CRACD: variants seen among roughly 807,000 people sequenced by gnomAD.
CRACD encodes the protein capping protein-inhibiting regulator of actin dynamics.
CRACD carries 56 observed loss-of-function variants against 106.8 expected under a neutral mutation model. The observed-to-expected ratio is 0.52, with a 90% CI of 0.42 to 0.66. The LOEUF (loss-of-function observed/expected upper bound fraction) is 0.66. Among genes scored for constraint, CRACD ranks in the 30% least tolerant of loss-of-function variants. The pLI is 0.00. For missense variants in CRACD, 1,730 were observed against 1,623.2 expected (o/e 1.07, Z -1.13); for synonymous variants, 754 against 670.8 (o/e 1.12, Z -1.92).
At chr4:56,205,478 C>T (rs551572343) in intron 2 of CRACD, among the ~76,000 whole-genome samples, 21 of 151,362 alleles carry the variant, frequency 1.4e-4, no homozygotes, top group East Asian at 1.9e-4. Context: ...AAGCGTGCCC[C>T]GATAAACTGT....
intron 1 of CRACD, among the ~76,000 whole-genome samples, chr4:56,133,727 G>A (rs1734901646): frequency 1.3e-5 from 2 of 152,204 alleles, no homozygotes; most frequent in Admixed American, 1.3e-4. Context: ...ACAAGGATAT[G>A]ATTTAGTTCT....
At position 56,314,586 on chromosome 4, in the gene CRACD, G is replaced by A. The variant is rs1220710104; in HGVS notation, c.1084G>A (p.Glu362Lys). ...GRCAEELKRQ[E>K]EEEAEGWEEL... ...ATGCGCGGAGGAGCTCAAAAGGCAG[G>A]AGGAGGAGGAGGCTGAGGGATGGGA... Residue 362 changes from glutamate (E) to lysine (K), a missense_variant, in exon 8 of 11, where the codon GAG becomes AAG. Coordinates refer to ENST00000682029, the MANE Select transcript of CRACD (RefSeq NM_001393381.1). The surrounding 1 kb of genome is among the most constrained non-coding windows in gnomAD (Gnocchi z 4.4). The A allele has an allele frequency of 4.0e-6, 6 of 1,513,938 alleles. No individual in the cohort carries two copies. Among genetic ancestry groups the A allele is most frequent in the Non-Finnish European group, 1.8e-6 (2 of 1,131,784 alleles). The allele number at this position is 1,513,938 out of a possible 1,614,324, so 93.8% of individuals were successfully genotyped here.
chr4:56,252,513 A>G (rs867338634), intron 2 of CRACD, among the ~76,000 whole-genome samples: 3 of 152,210 alleles, frequency 2.0e-5, no homozygotes, highest in African/African-American at 4.8e-5. Flanking sequence ...GCTCAAGGCT[A>G]TAGTATTGAC....
chr4:56,104,966 C>CAA (rs34655977), intron 1 of CRACD, among the ~76,000 whole-genome samples: 29 of 68,828 alleles, frequency 4.2e-4, no homozygotes, highest in African/African-American at 1.1e-3. Flanking sequence ...GACTCCGTCT[C>CAA]AAAAAAAAAA....
At chr4:56,228,550 G>A (rs571625944) in intron 2 of CRACD, among the ~76,000 whole-genome samples, 3 of 149,608 alleles carry the variant, frequency 2.0e-5, no homozygotes, top group East Asian at 2.0e-4. Flanking sequence ...TGGGAGGATC[G>A]CTGGAGCCCA....
chr4:56,156,201 A>G (rs1577698768), intron 1 of CRACD, among the ~76,000 whole-genome samples: 1 of 152,166 alleles, frequency 6.6e-6, no homozygotes, highest in South Asian at 2.1e-4. Context: ...ACTTCAAGTG[A>G]TCCGCTTGCC....
chr4:56,288,174 T>C (rs947499314), intron 3 of CRACD, among the ~76,000 whole-genome samples: 1 of 152,210 alleles, frequency 6.6e-6, no homozygotes, highest in Non-Finnish European at 1.5e-5. Context: ...TCTCCTTTTT[T>C]CTTCCTCTTT....
intron 6 of CRACD, among the ~76,000 whole-genome samples, chr4:56,311,774 C>T (rs1323884335): frequency 2.0e-5 from 3 of 152,182 alleles, no homozygotes; most frequent in Non-Finnish European, 2.9e-5. Flanking sequence ...CAGAAACAAA[C>T]AAATAAACCC....
intron 2 of CRACD, among the ~76,000 whole-genome samples, chr4:56,266,341 A>G (rs981356524): frequency 6.6e-6 from 1 of 152,212 alleles, no homozygotes; most frequent in Admixed American, 6.5e-5. Flanking sequence ...AGATGGGATC[A>G]GGATTTGAGG....
At chr4:56,168,886 G>A (rs993143415) in intron 1 of CRACD, among the ~76,000 whole-genome samples, 1 of 152,072 alleles carries the variant, frequency 6.6e-6, no homozygotes, top group Admixed American at 6.6e-5. Context: ...GTAGGTGAAT[G>A]GGCATGAGAG....
In CRACD at chr4:56,089,532, A is replaced by T. The variant is rs527409030; in HGVS notation, c.-336+40233A>T. Reference sequence around the variant, plus strand: ...GGATTTTTTTTTTTTTTTTTTTTTGAGACGGAGTTTCGGTCTTGTTGCCCA... The same window carrying T: ...GGATTTTTTTTTTTTTTTTTTTTTGTGACGGAGTTTCGGTCTTGTTGCCCA... On this transcript the variant is annotated intron_variant, in intron 1 of 10. Transcript: ENST00000682029. 6.3e-3 allele frequency among the ~76,000 whole-genome samples: 604 copies of T among 95,464 alleles called. 2 individuals are homozygous for T. The highest frequency in any genetic ancestry group is 9.3e-3 in the Middle Eastern group (1 of 108). 62.6% of individuals were successfully genotyped at this position (95,464 alleles called of 152,430 possible).
intron 3 of CRACD, among the ~76,000 whole-genome samples, chr4:56,283,325 G>A (rs1743139613): frequency 6.6e-6 from 1 of 152,200 alleles, no homozygotes; most frequent in Non-Finnish European, 1.5e-5. Context: ...CGCAGACCTA[G>A]AAGCATAGTG....
At chr4:56,268,166 A>T (rs1742138917) in intron 2 of CRACD, among the ~76,000 whole-genome samples, 1 of 152,252 alleles carries the variant, frequency 6.6e-6, no homozygotes, top group Non-Finnish European at 1.5e-5. Flanking sequence ...ATAGATGAGT[A>T]ACCTGTTTAG....
At chr4:56,286,047 T>C (rs1187643658) in intron 3 of CRACD, among the ~76,000 whole-genome samples, 2 of 152,260 alleles carry the variant, frequency 1.3e-5, no homozygotes, top group East Asian at 3.9e-4. Flanking sequence ...GGGAGGATTT[T>C]GGCATGGGAA....
At chr4:56,201,242 T>C (rs1737865245) in intron 2 of CRACD, among the ~76,000 whole-genome samples, 1 of 152,242 alleles carries the variant, frequency 6.6e-6, no homozygotes, top group South Asian at 2.1e-4. Context: ...AGAAAATAAC[T>C]TAATGGCTAT....
chr4:56,307,746 G>A, intron 5 of CRACD, 47 bp downstream of exon 5: 1 of 1,593,416 alleles, frequency 6.3e-7, no homozygotes, highest in South Asian at 1.1e-5. Flanking sequence ...AACCAGGGCA[G>A]GACATTGGGC....
chr4:56,326,621 CTCTG>C (rs1746464616), intron 10 of CRACD, among the ~76,000 whole-genome samples: 1 of 152,126 alleles, frequency 6.6e-6, no homozygotes, highest in Admixed American at 6.5e-5. Flanking sequence ...AGCCTATACA[CTCTG>C]ATAAAGTGAT....
At chr4:56,319,337 G>A (rs1421669691) in intron 8 of CRACD, among the ~76,000 whole-genome samples, 2 of 152,170 alleles carry the variant, frequency 1.3e-5, no homozygotes, top group African/African-American at 4.8e-5. Flanking sequence ...AGACGTGGTG[G>A]CTTACACCTG....
intron 3 of CRACD, among the ~76,000 whole-genome samples, chr4:56,290,079 G>A (rs111650941): frequency 6.6e-4 from 100 of 152,298 alleles, no homozygotes; most frequent in Middle Eastern, 3.4e-3. Context: ...CAGTTTACTC[G>A]TAGAGACTCA....
Sources: gnomAD v4.1 joint callset for allele counts (sites outside exome capture counted in the v4.1 genomes callset) on GRCh38, gnomAD v4.1.1 for gene constraint, Gnocchi (gnomAD v3.1) non-coding constraint, MANE v1.5 for transcripts, NCBI Gene and HGNC (gene_info 2026-07-23, HGNC 2026-07-21) for gene names.